CDH13: variants seen among roughly 807,000 people sequenced by gnomAD.
CDH13 encodes cadherin 13.
CDH13 carries 24 observed loss-of-function variants against 63.8 expected under a neutral mutation model. The observed-to-expected ratio is 0.38, with a 90% CI of 0.27 to 0.53. The LOEUF is 0.53. Ranked by LOEUF, CDH13 falls within the 20% of genes least tolerant of loss-of-function variation. The pLI, the probability that CDH13 is intolerant of heterozygous loss-of-function variation, is 0.85. For missense variants in CDH13, 1,049 were observed against 903.1 expected (o/e 1.16, Z -2.07); for synonymous variants, 503 against 355.3 (o/e 1.42, Z -4.67).
intron 2 of CDH13, among the ~76,000 whole-genome samples, chr16:82,928,200 A>T (rs1321286926): frequency 6.6e-6 from 1 of 151,146 alleles, no homozygotes; most frequent in East Asian, 2.0e-4. Context: ...ATGCGTGTGT[A>T]ATCCACATAA....
At chr16:82,895,308 A>G (rs375072407) in intron 2 of CDH13, among the ~76,000 whole-genome samples, 7 of 152,108 alleles carry the variant, frequency 4.6e-5, no homozygotes, top group Admixed American at 2.0e-4. Context: ...CATATACTCA[A>G]TTGTGTCCTT....
intron 7 of CDH13, among the ~76,000 whole-genome samples, chr16:83,524,244 G>A (rs1467774090): frequency 1.3e-5 from 2 of 152,060 alleles, no homozygotes; most frequent in East Asian, 3.9e-4. Flanking sequence ...AGCATGCAGT[G>A]TACATGAGTA....
intron 1 of CDH13, among the ~76,000 whole-genome samples, chr16:82,674,632 G>A (rs1913685617): frequency 1.3e-5 from 2 of 152,308 alleles, no homozygotes; most frequent in African/African-American, 2.4e-5. Flanking sequence ...TTCATAGATG[G>A]TGGATATTTA....
intron 7 of CDH13, among the ~76,000 whole-genome samples, chr16:83,521,799 C>T (rs1329731419): frequency 1.3e-5 from 2 of 152,214 alleles, no homozygotes; most frequent in Non-Finnish European, 2.9e-5. Context: ...AGTGCTGGTT[C>T]TGCCACTGAC....
chr16:83,408,147 A>C (rs1196032001), intron 6 of CDH13, among the ~76,000 whole-genome samples: 5 of 152,218 alleles, frequency 3.3e-5, no homozygotes, highest in African/African-American at 7.2e-5. Context: ...TGACACATGG[A>C]TGATGATCTT....
intron 1 of CDH13, among the ~76,000 whole-genome samples, chr16:82,630,428 C>T (rs1210785322): frequency 1.1e-4 from 16 of 152,164 alleles, no homozygotes; most frequent in Admixed American, 1.0e-3. Flanking sequence ...ACTAAAAGCC[C>T]CAACAGTCAT....
intron 3 of CDH13, among the ~76,000 whole-genome samples, chr16:83,050,535 C>T (rs773772950): frequency 3.9e-5 from 6 of 152,198 alleles, no homozygotes; most frequent in Non-Finnish European, 7.3e-5. Context: ...TCTTATTCCT[C>T]CTGCCATTGG....
chr16:83,355,788 T>C (rs1047279165), intron 6 of CDH13, among the ~76,000 whole-genome samples: 3 of 152,296 alleles, frequency 2.0e-5, no homozygotes, highest in Middle Eastern at 3.4e-3. Context: ...ACGTCAGTTT[T>C]CAACTGCTAC....
chr16:82,741,505 C>T (rs746691300), intron 1 of CDH13, among the ~76,000 whole-genome samples: 15 of 152,318 alleles, frequency 9.8e-5, no homozygotes, highest in East Asian at 1.9e-4. Flanking sequence ...GTCATTCATG[C>T]GCCTTTTGCT....
chr16:82,858,458 C>A lies in CDH13; in HGVS notation c.142C>A (p.Gln48Lys). 4 of 1,604,722 alleles carry A rather than the reference C, an allele frequency of 2.5e-6. No homozygotes were observed. The highest frequency in any genetic ancestry group is 3.4e-6 in the Non-Finnish European group (4 of 1,171,560). ...TCAGCCAGCTGAATTCATTGAGGAC[C>A]AGTCAATTCTAAACTGTAAGCAATG... ...INQPAEFIED[Q>K]SILNLTFSDC... Residue 48 changes from glutamine to lysine, a missense_variant, in exon 2 of 14, where the codon CAG (glutamine) becomes AAG (lysine). By Grantham distance (53) the Gln-to-Lys change is moderately conservative. Coordinates refer to ENST00000567109, the MANE Select transcript of CDH13 (RefSeq NM_001257.5).
At chr16:83,040,709 C>G (rs1054157509) in intron 3 of CDH13, among the ~76,000 whole-genome samples, 6 of 152,266 alleles carry the variant, frequency 3.9e-5, no homozygotes, top group African/African-American at 1.4e-4. Flanking sequence ...CACAGAAACA[C>G]CGGGGAACAA....
chr16:83,696,008 G>A (rs1317814766), intron 10 of CDH13, among the ~76,000 whole-genome samples: 1 of 151,694 alleles, frequency 6.6e-6, no homozygotes, highest in Non-Finnish European at 1.5e-5. Context: ...TCCCACCTCA[G>A]CCTCCTGAAT....
At chr16:83,073,144 A>G (rs1309137554) in intron 3 of CDH13, among the ~76,000 whole-genome samples, 1 of 152,152 alleles carries the variant, frequency 6.6e-6, no homozygotes, top group Admixed American at 6.5e-5. Context: ...ACAACCTGAG[A>G]GACATGAAAT....
chr16:82,907,889 T>A (rs572983902), intron 2 of CDH13, among the ~76,000 whole-genome samples: 2 of 152,312 alleles, frequency 1.3e-5, no homozygotes, highest in East Asian at 3.9e-4. Flanking sequence ...ATGCAAACCA[T>A]GGGCTGAGCC....
intron 7 of CDH13, among the ~76,000 whole-genome samples, chr16:83,536,854 G>A (rs1157043480): frequency 2.0e-5 from 3 of 152,160 alleles, no homozygotes; most frequent in Non-Finnish European, 4.4e-5. Flanking sequence ...AGCAGAAGAG[G>A]TAATGGAGGG....
intron 1 of CDH13, among the ~76,000 whole-genome samples, chr16:82,684,801 C>A (rs1277107000): frequency 6.6e-6 from 1 of 152,208 alleles, no homozygotes; most frequent in African/African-American, 2.4e-5. Context: ...AGCCTGAGCC[C>A]ACTCAGAGCC....
chr16:83,750,218 C>G (rs544320243), intron 11 of CDH13, among the ~76,000 whole-genome samples: 1 of 152,146 alleles, frequency 6.6e-6, no homozygotes, highest in East Asian at 1.9e-4. Context: ...ATCTCTTGAA[C>G]CTAGGAGGCA....
intron 7 of CDH13, among the ~76,000 whole-genome samples, chr16:83,550,325 C>G (rs2075467583): frequency 6.6e-6 from 1 of 152,210 alleles, no homozygotes; most frequent in Non-Finnish European, 1.5e-5. Context: ...GGGGCGCTGA[C>G]AGAAGTTGTC....
At chr16:83,450,743 G>A (rs555812117) in intron 6 of CDH13, among the ~76,000 whole-genome samples, 102 of 152,266 alleles carry the variant, frequency 6.7e-4, no homozygotes, top group Middle Eastern at 3.4e-3. Flanking sequence ...GGTGGAGGGC[G>A]CCTGTAGTCC....
Sources: gnomAD v4.1 joint callset for allele counts (sites outside exome capture counted in the v4.1 genomes callset) on GRCh38, gnomAD v4.1.1 for gene constraint, MANE v1.5 for transcripts, NCBI Gene and HGNC (gene_info 2026-07-23, HGNC 2026-07-21) for gene names.